Variants in STOX2 observed in about 807,000 individuals in gnomAD.
STOX2 encodes the protein storkhead-box protein 2.
In STOX2, 28 loss-of-function variants were observed where a neutral mutation model predicts 60.9. The observed-to-expected ratio is 0.46, with a 90% confidence interval of 0.34 to 0.63. STOX2 has a LOEUF of 0.63. STOX2 is among the 30% of genes least tolerant of loss of function. STOX2 has a pLI of 0.01. For missense variants in STOX2, 1,024 were observed against 1,187.7 expected (o/e 0.86, Z 2.03); for synonymous variants, 472 against 463.9 (o/e 1.02, Z -0.22).
intron 1 of STOX2, among the ~76,000 whole-genome samples, chr4:183,989,109 T>G (rs1391585069): frequency 6.6e-6 from 1 of 151,780 alleles, no homozygotes; most frequent in East Asian, 1.9e-4. Flanking sequence ...CAGCTGTATA[T>G]CTATCTCGCT....
chr4:184,023,311 T>C lies in STOX2; in HGVS notation c.*6027T>C, dbSNP rs1466906095. The C allele has an allele frequency of 6.6e-6, 1 of 152,212 alleles. No individual in the cohort carries two copies. Among genetic ancestry groups the C allele is most frequent in the Non-Finnish European group, 1.5e-5 (1 of 68,032 alleles). 9.4% of individuals were successfully genotyped at this position (152,212 alleles called of 1,614,324 possible). On this transcript the variant is annotated 3_prime_UTR_variant, in exon 4 of 4. Coordinates refer to ENST00000308497, the MANE Select transcript of STOX2 (RefSeq NM_020225.3). ...TATAACAGCACATTTGTAACATGGT[T>C]TTTATCGTGTCAGTGTACCATACTG...
intron 1 of STOX2, among the ~76,000 whole-genome samples, chr4:183,886,053 T>C (rs1741071284): frequency 6.9e-6 from 1 of 144,696 alleles, no homozygotes; most frequent in Admixed American, 6.8e-5. Flanking sequence ...TGTAGGCAGA[T>C]GCAAGATCAG....
intron 1 of STOX2, among the ~76,000 whole-genome samples, chr4:183,949,197 CAAT>C (rs772586556): frequency 4.5e-4 from 69 of 152,028 alleles, no homozygotes; most frequent in Non-Finnish European, 7.7e-4. Flanking sequence ...GAGGAAGAAA[CAAT>C]AAGAGAGGAG....
intron 1 of STOX2, among the ~76,000 whole-genome samples, chr4:183,951,792 A>T (rs111550511): frequency 0.028 from 4,326 of 152,114 alleles, 94 homozygotes; most frequent in Admixed American, 0.043. Context: ...AATACAAAAA[A>T]ATTAGCTGGG....
At chr4:183,990,578 ATTTTTTTTTTTTTTTTTTTTTTTT>A (rs57369052) in intron 1 of STOX2, among the ~76,000 whole-genome samples, 4 of 82,450 alleles carry the variant, frequency 4.9e-5, no homozygotes, top group African/African-American at 1.2e-4. Context: ...AAAAAGCAGG[ATTTTTTTTTTTTTTTTTTTTTTTT>A]TTTTTTTTTT....
intron 1 of STOX2, among the ~76,000 whole-genome samples, chr4:183,946,963 C>A (rs560698950): frequency 6.6e-6 from 1 of 152,098 alleles, no homozygotes; most frequent in South Asian, 2.1e-4. Flanking sequence ...TGTATTATGT[C>A]TTGTAAGTAA....
chr4:184,007,015 CAAAA>C (rs61393267), intron 2 of STOX2, among the ~76,000 whole-genome samples: 3 of 52,818 alleles, frequency 5.7e-5, no homozygotes, highest in Admixed American at 2.2e-4. Flanking sequence ...GACTCTGTCT[CAAAA>C]AAAAAAAAAA....
At chr4:183,942,717 A>G (rs1462142095) in intron 1 of STOX2, among the ~76,000 whole-genome samples, 1 of 152,204 alleles carries the variant, frequency 6.6e-6, no homozygotes. Context: ...AATGGCAGAC[A>G]GGAACTGCAA....
chr4:183,808,098 T>C (rs1738949810), intron 1 of STOX2, among the ~76,000 whole-genome samples: 1 of 152,216 alleles, frequency 6.6e-6, no homozygotes, highest in South Asian at 2.1e-4. Context: ...TTTTTCCTTT[T>C]TAAATCTCTG....
At chr4:183,992,273 A>G (rs956725581) in intron 1 of STOX2, among the ~76,000 whole-genome samples, 1 of 152,196 alleles carries the variant, frequency 6.6e-6, no homozygotes, top group Non-Finnish European at 1.5e-5. Context: ...TTACAATTGT[A>G]TTTTACAGAA....
At position 184,001,893 on chromosome 4, in the gene STOX2, GA is replaced by G. The variant is rs1457452018; in HGVS notation, c.319+417del. Among the ~76,000 whole-genome samples the G allele has an allele frequency of 1.3e-5, 2 of 152,164 alleles. No individual in the cohort carries two copies. Among genetic ancestry groups the G allele is most frequent in the African/African-American group, 4.8e-5 (2 of 41,434 alleles). ...ATCTTACATATTTGTATCATGGCTT[GA>G]TGAGTTTTAAGAAAATAATATTGAT... On this transcript the variant is annotated intron_variant, in intron 2 of 3. Coordinates refer to ENST00000308497, the MANE Select transcript of STOX2 (RefSeq NM_020225.3). This position sits in a 1 kb window ranked among gnomAD's most constrained non-coding sequence, Gnocchi z 4.2.
chr4:183,983,913 G>A (rs1295857925), intron 1 of STOX2, among the ~76,000 whole-genome samples: 4 of 152,094 alleles, frequency 2.6e-5, no homozygotes, highest in Non-Finnish European at 4.4e-5. Context: ...CAAAGTGCTG[G>A]GATTACAGGC....
At chr4:183,910,732 G>A (rs1227779567) in intron 1 of STOX2, among the ~76,000 whole-genome samples, 1 of 152,170 alleles carries the variant, frequency 6.6e-6, no homozygotes, top group Non-Finnish European at 1.5e-5. Context: ...AGTAAAGCGT[G>A]CGTTTTTAAT....
rs1389150374 is a variant in STOX2 at position 184,010,035 on chromosome 4, T to C, written c.1197T>C (p.Phe399=). The part of the protein sequence containing the change: ...LDIPAEREYD[F]CDPLTRVPRE... ...TCCCAGCTGAAAGAGAGTATGACTT[T>C]TGTGATCCTCTTACCAGGGTGCCCA... The change falls in exon 3 of 4, where the codon TTT becomes TTC. Residue 399 remains phenylalanine (F), a synonymous_variant. Coordinates refer to ENST00000308497, the MANE Select transcript of STOX2 (RefSeq NM_020225.3). The surrounding 1 kb of genome is among the most constrained non-coding windows in gnomAD (Gnocchi z 4.5). The C allele has an allele frequency of 1.9e-6, 3 of 1,613,756 alleles. No homozygotes were observed. The highest frequency in any genetic ancestry group is 2.5e-6 in the Non-Finnish European group (3 of 1,179,842).
At chr4:184,000,422 T>G (rs1733535339) in intron 1 of STOX2, among the ~76,000 whole-genome samples, 1 of 152,124 alleles carries the variant, frequency 6.6e-6, no homozygotes, top group South Asian at 2.1e-4. Context: ...AATTGTAATC[T>G]GCCTTCTCCC....
chr4:183,850,830 GA>G (rs1740101381), intron 1 of STOX2, among the ~76,000 whole-genome samples: 1 of 150,666 alleles, frequency 6.6e-6, no homozygotes, highest in Non-Finnish European at 1.5e-5. Flanking sequence ...GAAAGGATGA[GA>G]GAAAGGATGA....
At chr4:183,868,999 A>T (rs1740633095) in intron 1 of STOX2, among the ~76,000 whole-genome samples, 1 of 152,160 alleles carries the variant, frequency 6.6e-6, no homozygotes, top group South Asian at 2.1e-4. Flanking sequence ...TGACTTTGAT[A>T]TTACTCCTCA....
intron 1 of STOX2, among the ~76,000 whole-genome samples, chr4:183,959,449 G>GT (rs1307755542): frequency 1.3e-5 from 2 of 152,082 alleles, no homozygotes; most frequent in Admixed American, 1.3e-4. Flanking sequence ...TCTTTCCATG[G>GT]TTTTTCCACT....
Position 183,821,893 on chromosome 4 carries a change from A to AAATGGATG in STOX2, c.364+23839_364+23846dup. ...AGAGTTGGAGCTTAGGATCTAACAG[A>AAATGGATG]AATGGATGGGGCTTTAGAAGTCTAT... On this transcript the variant is annotated intron_variant, in intron 1 of 2. Coordinates refer to the STOX2 transcript ENST00000513034. This position sits in a 1 kb window ranked among gnomAD's most constrained non-coding sequence, Gnocchi z 4.2. 6.6e-6 allele frequency among the ~76,000 whole-genome samples: 1 copy of AAATGGATG among 152,362 alleles called. No homozygotes were observed. Among genetic ancestry groups the AAATGGATG allele is most frequent in the South Asian group, 2.1e-4 (1 of 4,830 alleles).
Sources: allele counts gnomAD v4.1 joint callset (sites outside exome capture counted in the v4.1 genomes callset), GRCh38; gene constraint gnomAD v4.1.1; non-coding constraint Gnocchi (gnomAD v3.1); transcripts MANE v1.5; gene names NCBI Gene and HGNC (gene_info 2026-07-23, HGNC 2026-07-21).